The following ZNF521 variants were observed in gnomAD, a reference collection of about 807,000 sequenced individuals.
ZNF521 encodes the protein LYST-interacting protein 3.
In ZNF521, 14 loss-of-function variants were observed where a neutral mutation model predicts 105.5. The ratio of observed to expected loss-of-function variants is 0.13; its 90% CI spans 0.09 to 0.21. ZNF521 has a LOEUF of 0.21. Ranked by LOEUF, ZNF521 falls within the 10% of genes least tolerant of loss-of-function variation. The pLI, the probability that ZNF521 is intolerant of heterozygous loss-of-function variation, is 1.00. For missense variants in ZNF521, 1,233 were observed against 1,629.7 expected, an observed-to-expected ratio of 0.76 and a Z score of 4.19; for synonymous variants, 635 against 606.0, an observed-to-expected ratio of 1.05 and a Z score of -0.70.
chr18:25,347,665 C>T (rs772516430), intron 2 of ZNF521, among the ~76,000 whole-genome samples: 49 of 152,110 alleles, frequency 3.2e-4, no homozygotes, highest in Non-Finnish European at 6.2e-4. Flanking sequence ...CATAATTATT[C>T]CTTCAGGGTA....
intron 5 of ZNF521, among the ~76,000 whole-genome samples, chr18:25,180,208 G>A (rs1394906991): frequency 6.6e-6 from 1 of 152,120 alleles, no homozygotes; most frequent in Admixed American, 6.5e-5. Flanking sequence ...ATCCTTATAA[G>A]ATAATGTATC....
At chr18:25,285,841 G>A (rs1204516662) in intron 3 of ZNF521, among the ~76,000 whole-genome samples, 1 of 152,186 alleles carries the variant, frequency 6.6e-6, no homozygotes, top group African/African-American at 2.4e-5. Flanking sequence ...GCTTGAAATT[G>A]CCTCCATGTA....
chr18:25,271,011 A>G (rs764445562), intron 3 of ZNF521, among the ~76,000 whole-genome samples: 2 of 152,224 alleles, frequency 1.3e-5, no homozygotes, highest in Admixed American at 6.5e-5. Context: ...ACATGAATGT[A>G]TATTTAGAAA....
intron 3 of ZNF521, among the ~76,000 whole-genome samples, chr18:25,255,042 G>GT (rs1908384580): frequency 6.6e-6 from 1 of 152,098 alleles, no homozygotes; most frequent in Non-Finnish European, 1.5e-5. Flanking sequence ...CAAAGCATGT[G>GT]TATTGTCTAT....
At chr18:25,314,005 G>C (rs1204334700) in intron 3 of ZNF521, among the ~76,000 whole-genome samples, 1 of 151,914 alleles carries the variant, frequency 6.6e-6, no homozygotes, top group Admixed American at 6.6e-5. Context: ...AATTAATATA[G>C]AAACATAAAT....
chr18:25,268,043 T>TA (rs1240063991), intron 3 of ZNF521, among the ~76,000 whole-genome samples: 1 of 152,154 alleles, frequency 6.6e-6, no homozygotes, highest in Non-Finnish European at 1.5e-5. Context: ...GAAAAAAAGT[T>TA]AGACGAATTG....
rs557045624 is a variant in ZNF521, at chr18:25,168,991, G to A, written c.3658+26169C>T. Among the ~76,000 whole-genome samples the A allele has an allele frequency of 1.7e-3, 255 of 152,138 alleles. 3 individuals carry two copies. The highest frequency in any genetic ancestry group is 5.7e-3 in the African/African-American group (236 of 41,530). On this transcript the variant is annotated intron_variant, in intron 5 of 7. Coordinates refer to ENST00000361524, the MANE Select transcript of ZNF521 (RefSeq NM_015461.3). Reference sequence around the variant, plus strand: ...TGTGTGTGTGTATTTCATATTGTGTGAGGGACAGAAAAAGGAACTGTAACA... The same window carrying A: ...TGTGTGTGTGTATTTCATATTGTGTAAGGGACAGAAAAAGGAACTGTAACA...
intron 5 of ZNF521, among the ~76,000 whole-genome samples, chr18:25,189,295 G>A (rs567947880): frequency 8.2e-4 from 125 of 152,226 alleles, no homozygotes; most frequent in African/African-American, 2.8e-3. Context: ...TTATGCCCGC[G>A]TATGTCCTTT....
At chr18:25,103,195 G>C (rs957651013) in intron 5 of ZNF521, among the ~76,000 whole-genome samples, 3 of 152,082 alleles carry the variant, frequency 2.0e-5, no homozygotes, top group Non-Finnish European at 4.4e-5. Context: ...GCTAGGTAAA[G>C]CACTTGGGTC....
intron 2 of ZNF521, among the ~76,000 whole-genome samples, chr18:25,337,203 T>C (rs1913941908): frequency 3.3e-5 from 5 of 152,124 alleles, no homozygotes; most frequent in Non-Finnish European, 7.4e-5. Context: ...GCAGCCAGTG[T>C]AATGGGGAAC....
intron 3 of ZNF521, among the ~76,000 whole-genome samples, chr18:25,234,845 TAAAC>T (rs963967574): frequency 1.1e-4 from 16 of 151,784 alleles, no homozygotes; most frequent in African/African-American, 3.4e-4. Context: ...TAAATAAAAA[TAAAC>T]AAAAATAAAG....
At chr18:25,114,152 G>A (rs1308837964) in intron 5 of ZNF521, among the ~76,000 whole-genome samples, 2 of 152,060 alleles carry the variant, frequency 1.3e-5, no homozygotes. Flanking sequence ...AGGGGTGGGG[G>A]TTGGGGGAAA....
At chr18:25,326,695 C>A (rs1913242424) in intron 2 of ZNF521, among the ~76,000 whole-genome samples, 1 of 152,138 alleles carries the variant, frequency 6.6e-6, no homozygotes, top group African/African-American at 2.4e-5. Flanking sequence ...CTGGTTAATT[C>A]CAAGCATGAA....
At chr18:25,273,599 T>C (rs976157759) in intron 3 of ZNF521, 2 of 152,162 alleles carry the variant, frequency 1.3e-5, no homozygotes, top group African/African-American at 4.8e-5. Flanking sequence ...TTCCCATCTG[T>C]AAAAAGGTAA....
chr18:25,287,410 A>AAAAGTT (rs1910769368), intron 3 of ZNF521, among the ~76,000 whole-genome samples: 1 of 152,318 alleles, frequency 6.6e-6, no homozygotes, highest in East Asian at 1.9e-4. Context: ...TTTTGTTTCA[A>AAAAGTT]CAACACGTTA....
chr18:25,063,869 C>T (rs72878163), intron 7 of ZNF521, among the ~76,000 whole-genome samples: 15,166 of 152,178 alleles, frequency 0.1, 977 homozygotes, highest in Middle Eastern at 0.19. Context: ...CTCAAAATAT[C>T]ACCACTTCCA....
chr18:25,325,240 A>T (rs1913150317), intron 2 of ZNF521, among the ~76,000 whole-genome samples: 1 of 152,180 alleles, frequency 6.6e-6, no homozygotes, highest in Non-Finnish European at 1.5e-5. Flanking sequence ...AGGGGTTTGC[A>T]TCCCTAATGC....
At chr18:25,329,256 T>C (rs1030907275) in intron 2 of ZNF521, among the ~76,000 whole-genome samples, 3 of 144,538 alleles carry the variant, frequency 2.1e-5, no homozygotes, top group African/African-American at 7.8e-5. Context: ...CTGTCTTCCC[T>C]GGCCTTGAGT....
At chr18:25,321,898 T>C in intron 3 of ZNF521, 110 bp downstream of exon 3, 2 of 1,100,138 alleles carry the variant, frequency 1.8e-6, no homozygotes, top group Non-Finnish European at 2.6e-6. Context: ...AGCTAGGTAT[T>C]CAAATGTAGG....
Sources: gnomAD v4.1 joint callset for allele counts (sites outside exome capture counted in the v4.1 genomes callset) on GRCh38, gnomAD v4.1.1 for gene constraint, MANE v1.5 for transcripts, NCBI Gene and HGNC (gene_info 2026-07-23, HGNC 2026-07-21) for gene names.